DNAJB6: variants seen among roughly 807,000 people sequenced by gnomAD.
DNAJB6 encodes dnaJ homolog subfamily B member 6.
In DNAJB6, 16 loss-of-function variants were observed where a neutral mutation model predicts 42.7. The ratio of observed to expected loss-of-function variants is 0.37; its 90% CI spans 0.25 to 0.57. The LOEUF (loss-of-function observed/expected upper bound fraction) is 0.57, where lower values mean the gene tolerates loss of function less well. Ranked by LOEUF, DNAJB6 falls within the 20% of genes least tolerant of loss-of-function variation. DNAJB6 has a pLI of 0.74. For synonymous variants in DNAJB6, 170 were observed against 163.5 expected (o/e 1.04, Z -0.30); for missense variants, 347 against 416.8 (o/e 0.83, Z 1.46).
chr7:157,369,014 T>TA (rs1799980633), intron 5 of DNAJB6: 3 of 356,694 alleles, frequency 8.4e-6, no homozygotes, highest in Non-Finnish European at 1.6e-5. Flanking sequence ...AGGTTGTTCT[T>TA]ACACCTTATT....
rs1010667179 is a variant in DNAJB6 at position 157,417,141 on chromosome 7, G to A, written c.*1043G>A. ...CTTTCTCCTTTGTCCTCTTGGACTT[G>A]AGGGCATTGTGAAAAGCTTTGCTGT... On this transcript the variant is annotated 3_prime_UTR_variant, in exon 10 of 10. Transcript: ENST00000262177. The A allele has an allele frequency of 3.9e-5, 6 of 152,206 alleles. No individual in the cohort carries two copies. Among genetic ancestry groups the A allele is most frequent in the Non-Finnish European group, 7.3e-5 (5 of 68,048 alleles). The allele number at this position is 152,206 out of a possible 1,614,324, so 9.4% of individuals were successfully genotyped here.
At chr7:157,361,853 C>G (rs1563122021) in intron 2 of DNAJB6, among the ~76,000 whole-genome samples, 1 of 152,222 alleles carries the variant, frequency 6.6e-6, no homozygotes, top group Non-Finnish European at 1.5e-5. Flanking sequence ...ACTGCAACCT[C>G]TTTCTCCTGG....
intron 1 of DNAJB6, among the ~76,000 whole-genome samples, chr7:157,342,561 A>T (rs1308238257): frequency 6.6e-6 from 1 of 152,118 alleles, no homozygotes; most frequent in African/African-American, 2.4e-5. Flanking sequence ...ACCTCAGGTC[A>T]TCCGCCTGCC....
rs111666619 is a variant in DNAJB6, at chr7:157,338,336, CT to C, written c.-27+1205del. On this transcript the variant is annotated intron_variant, in intron 1 of 9. Transcript: ENST00000262177. ...TCTCTCTGGGTTTACTCCAGACTTC[CT>C]TTTTTTTTTTTTCCTGAGACGGAGT... is the stretch of plus-strand genomic sequence containing the variant. Among the ~76,000 whole-genome samples the C allele has an allele frequency of 1.9e-3, 275 of 145,124 alleles. 1 individual carries two copies. Among genetic ancestry groups the C allele is most frequent in the Middle Eastern group, 7.2e-3 (2 of 276 alleles).
At chr7:157,401,623 A>AG (rs1454461126) in intron 8 of DNAJB6, among the ~76,000 whole-genome samples, 2 of 152,192 alleles carry the variant, frequency 1.3e-5, no homozygotes, top group Non-Finnish European at 2.9e-5. Flanking sequence ...TCTGTGTGTG[A>AG]GTTTTTGGGG....
At chr7:157,340,998 G>GTGCGCGCGTGCGCT (rs67210462) in intron 1 of DNAJB6, among the ~76,000 whole-genome samples, 5 of 134,960 alleles carry the variant, frequency 3.7e-5, no homozygotes, top group Non-Finnish European at 7.7e-5. Flanking sequence ...GTGTGTGTGT[G>GTGCGCGCGTGCGCT]CGCGCGCGCA....
intron 2 of DNAJB6, 146 bp downstream of exon 2, chr7:157,358,783 G>A: frequency 1.5e-6 from 1 of 665,564 alleles, no homozygotes; most frequent in Admixed American, 2.5e-5. Context: ...TGACAGAGCA[G>A]TTAACGAGCA....
At chr7:157,352,021 A>AC (rs1374968629) in intron 1 of DNAJB6, among the ~76,000 whole-genome samples, 2 of 152,032 alleles carry the variant, frequency 1.3e-5, no homozygotes, top group African/African-American at 2.4e-5. Flanking sequence ...AAACAAACAA[A>AC]AAAACAAAAC....
chr7:157,351,923 G>T (rs1036617509), intron 1 of DNAJB6, among the ~76,000 whole-genome samples: 1 of 152,112 alleles, frequency 6.6e-6, no homozygotes, highest in African/African-American at 2.4e-5. Context: ...AACCCGGGAG[G>T]TGGGGAGGTT....
At chr7:157,383,786 C>T (rs549629925) in intron 6 of DNAJB6, among the ~76,000 whole-genome samples, 4 of 152,210 alleles carry the variant, frequency 2.6e-5, no homozygotes, top group South Asian at 2.1e-4. Context: ...CTACTCCTAA[C>T]GGAGATCAGC....
rs188587499 is a variant in DNAJB6 at position 157,410,381 on chromosome 7, C to T, written c.898+380C>T. On this transcript the variant is annotated intron_variant, in intron 9 of 9. Transcript: ENST00000262177. ...GGTGGTCTCGTGCTGGTGGGGTCTG[C>T]GTTTGCCCCTGCCCCTCCGTCAGCT... 1.3e-3 allele frequency: 526 copies of T among 390,128 alleles called. 2 individuals carry two copies. The highest frequency in any genetic ancestry group is 9.2e-3 in the African/African-American group (443 of 48,332). 24.2% of individuals were successfully genotyped at this position (390,128 alleles called of 1,614,324 possible). A position where few individuals can be genotyped will look rare whatever the true frequency, so the allele number is the denominator to read the frequency against.
chr7:157,397,341 C>T (rs569398990), intron 8 of DNAJB6, among the ~76,000 whole-genome samples: 1 of 152,168 alleles, frequency 6.6e-6, no homozygotes, highest in Non-Finnish European at 1.5e-5. Flanking sequence ...GTCACGGCCG[C>T]CCAGCCAGGG....
At chr7:157,361,638 T>A (rs977478214) in intron 2 of DNAJB6, among the ~76,000 whole-genome samples, 1 of 152,244 alleles carries the variant, frequency 6.6e-6, no homozygotes, top group South Asian at 2.1e-4. Context: ...CAGATTAGTA[T>A]ACTAGTCTGA....
intron 6 of DNAJB6, among the ~76,000 whole-genome samples, chr7:157,382,959 G>A (rs1483416132): frequency 6.6e-6 from 1 of 152,118 alleles, no homozygotes; most frequent in Non-Finnish European, 1.5e-5. Flanking sequence ...ACTTTTCTCT[G>A]AAGCTCATCC....
At chr7:157,406,765 A>G (rs1795781587) in intron 8 of DNAJB6, among the ~76,000 whole-genome samples, 1 of 152,200 alleles carries the variant, frequency 6.6e-6, no homozygotes. Context: ...CTCTGAGGAG[A>G]CGACACAGGG....
chr7:157,401,503 G>A (rs960196535), intron 8 of DNAJB6, among the ~76,000 whole-genome samples: 4 of 152,216 alleles, frequency 2.6e-5, no homozygotes, highest in African/African-American at 9.7e-5. Context: ...GAGCCACCGT[G>A]CTTGACCAAC....
Position 157,340,998 on chromosome 7 carries a change from G to GTGCGCGCGCGCGCGCT in DNAJB6, c.-27+3854_-27+3855insTGCGCGCGCGCGCGCT, listed in dbSNP as rs67210462. Among the ~76,000 whole-genome samples the GTGCGCGCGCGCGCGCT allele has an allele frequency of 3.3e-3, 447 of 135,022 alleles. 1 individual carries two copies. Among genetic ancestry groups the GTGCGCGCGCGCGCGCT allele is most frequent in the African/African-American group, 0.012 (373 of 31,424 alleles). 88.6% of individuals were successfully genotyped at this position (135,022 alleles called of 152,430 possible). On this transcript the variant is annotated intron_variant, in intron 1 of 9. Transcript: ENST00000262177. ...TGTGTGTGTGTGTGTGTGTGTGTGT[G>GTGCGCGCGCGCGCGCT]CGCGCGCGCAGGTGGAATCACCCTG... is the stretch of plus-strand genomic sequence containing the variant.
chr7:157,353,116 C>G (rs1563114768), intron 1 of DNAJB6, among the ~76,000 whole-genome samples: 1 of 149,922 alleles, frequency 6.7e-6, no homozygotes, highest in Non-Finnish European at 1.5e-5. Context: ...TTCGTAGAGA[C>G]AGGGTTTCGC....
At chr7:157,408,352 A>C (rs531906961) in intron 8 of DNAJB6, among the ~76,000 whole-genome samples, 1 of 152,318 alleles carries the variant, frequency 6.6e-6, no homozygotes, top group South Asian at 2.1e-4. Context: ...GTGACATCTG[A>C]GGCCTGCGCC....
Sources: allele counts gnomAD v4.1 joint callset (sites outside exome capture counted in the v4.1 genomes callset), GRCh38; gene constraint gnomAD v4.1.1; transcripts MANE v1.5; gene names NCBI Gene and HGNC (gene_info 2026-07-23, HGNC 2026-07-21).